The following ORC4 variants were observed in gnomAD, a reference collection of about 807,000 sequenced individuals.
ORC4 encodes the protein origin recognition complex subunit 4.
A neutral mutation model predicts 63.9 loss-of-function variants in ORC4; 55 were observed. The observed-to-expected ratio is 0.86, with a 90% CI of 0.69 to 1.08. The LOEUF is 1.08. Ranked by LOEUF, ORC4 falls within the 50% of genes least tolerant of loss-of-function variation. ORC4 has a pLI of 0.00. For missense variants in ORC4, 511 were observed against 504.4 expected, an observed-to-expected ratio of 1.01 and a Z score of -0.13; for synonymous variants, 150 against 168.5, an observed-to-expected ratio of 0.89 and a Z score of 0.85.
At chr2:148,005,413 G>C (rs180752154) in intron 1 of ORC4, among the ~76,000 whole-genome samples, 2 of 151,986 alleles carry the variant, frequency 1.3e-5, no homozygotes, top group African/African-American at 2.4e-5. Flanking sequence ...GGGATGGGGG[G>C]GCTAAGGGAG....
chr2:147,935,754 C>T, intron 13 of ORC4, 56 bp from the exon 14 acceptor site: 1 of 1,438,858 alleles, frequency 6.9e-7, no homozygotes. Context: ...GACAACTCTC[C>T]TGTTCTCTCC....
intron 1 of ORC4, among the ~76,000 whole-genome samples, chr2:148,008,046 C>T (rs374273917): frequency 6.6e-6 from 1 of 152,164 alleles, no homozygotes; most frequent in African/African-American, 2.4e-5. Flanking sequence ...CAATCTAATA[C>T]ATCCACCGAA....
chr2:147,956,765 T>C (rs146460361), intron 6 of ORC4, among the ~76,000 whole-genome samples: 1 of 152,172 alleles, frequency 6.6e-6, no homozygotes, highest in African/African-American at 2.4e-5. Context: ...TCTCTATATA[T>C]GATAATAATA....
chr2:148,001,113 A>G (rs931319715), intron 1 of ORC4, among the ~76,000 whole-genome samples: 10 of 152,140 alleles, frequency 6.6e-5, no homozygotes, highest in Admixed American at 4.6e-4. Context: ...GATTAAGCAA[A>G]TAAGGCGATA....
intron 9 of ORC4, among the ~76,000 whole-genome samples, chr2:147,944,513 G>A (rs772362225): frequency 6.6e-6 from 1 of 152,006 alleles, no homozygotes; most frequent in African/African-American, 2.4e-5. Flanking sequence ...AGCCCTTTGA[G>A]AAAGTACCAT....
chr2:147,980,110 G>A (rs2105367202), intron 1 of ORC4, among the ~76,000 whole-genome samples: 1 of 152,106 alleles, frequency 6.6e-6, no homozygotes, highest in Admixed American at 6.6e-5. Context: ...ACAACCTTCA[G>A]AATAAGTGAA....
chr2:147,972,680 T>G (rs1448461301), intron 4 of ORC4, 59 bp downstream of exon 4: 1 of 854,554 alleles, frequency 1.2e-6, no homozygotes, highest in Non-Finnish European at 1.9e-6. Flanking sequence ...ATTTATTTAT[T>G]CTTATATAAA....
chr2:147,955,450 A>C lies in ORC4; in HGVS notation c.388-55T>G. On this transcript the variant is annotated intron_variant, in intron 6 of 13. Transcript: ENST00000392857. Reference sequence around the variant, plus strand: ...AAAGTTTAGTGAAATAAAGAACAAAAGATGGCTGTCTGATTCTCAAATTTT... The same window carrying C: ...AAAGTTTAGTGAAATAAAGAACAAACGATGGCTGTCTGATTCTCAAATTTT... The C allele has an allele frequency of 4.7e-6, 6 of 1,266,686 alleles. No homozygotes were observed. The South Asian group carries it at 4.9e-5, about 10-fold the overall frequency. The allele number at this position is 1,266,686 out of a possible 1,614,324, so 78.5% of individuals were successfully genotyped here.
chr2:147,949,113 A>G (rs2105288910), intron 8 of ORC4, among the ~76,000 whole-genome samples: 1 of 150,428 alleles, frequency 6.6e-6, no homozygotes, highest in South Asian at 2.1e-4. Context: ...TACAACCAAG[A>G]CAAATGAAAC....
chr2:147,963,811 A>G (rs1309363171), intron 4 of ORC4, among the ~76,000 whole-genome samples: 1 of 152,172 alleles, frequency 6.6e-6, no homozygotes, highest in Non-Finnish European at 1.5e-5. Flanking sequence ...AACAACTCTC[A>G]GCCTAGGCCA....
intron 1 of ORC4, among the ~76,000 whole-genome samples, chr2:147,992,675 G>A (rs149047793): frequency 6.6e-6 from 1 of 152,244 alleles, no homozygotes. Flanking sequence ...TTACAGACTT[G>A]AGTTTACTTA....
Position 147,930,461 on chromosome 2 carries a change from G to C in ORC4, c.*5049C>G, listed in dbSNP as rs1469352872. ...TTTTTAGGAACATTTGGTATGATAT[G>C]CATAAAATTATTTATCCATTTATGG... On this transcript the variant is annotated 3_prime_UTR_variant, in exon 14 of 14. Transcript: ENST00000392857. The C allele has an allele frequency of 6.7e-6, 1 of 149,684 alleles. No homozygotes were observed. Among genetic ancestry groups the C allele is most frequent in the Non-Finnish European group, 1.5e-5 (1 of 67,512 alleles). The allele number at this position is 149,684 out of a possible 1,614,324, so 9.3% of individuals were successfully genotyped here. A position where few individuals can be genotyped will look rare whatever the true frequency, so the allele number is the denominator to read the frequency against.
In ORC4 at chr2:148,004,294, G is replaced by A. The variant is rs114500708; in HGVS notation, c.-18+16339C>T. Among the ~76,000 whole-genome samples, 1,274 of 152,128 alleles carry A rather than the reference G, an allele frequency of 8.4e-3. 20 individuals carry two copies. Among genetic ancestry groups the A allele is most frequent in the African/African-American group, 0.029 (1,186 of 41,486 alleles). On this transcript the variant is annotated intron_variant, in intron 1 of 13. Coordinates refer to ENST00000392857, the MANE Select transcript of ORC4 (RefSeq NM_181741.4). Reference sequence around the variant, plus strand: ...TTCATATGGAACCAAAAAAGAGCCCGCATAAGCCAAGACAATGCTAAGCAA... The same window carrying A: ...TTCATATGGAACCAAAAAAGAGCCCACATAAGCCAAGACAATGCTAAGCAA...
At chr2:147,958,947 A>G in intron 4 of ORC4, 81 bp from the exon 5 acceptor site, 1 of 660,894 alleles carries the variant, frequency 1.5e-6, no homozygotes. Flanking sequence ...ACAAGCAGTA[A>G]GAACAGAATA....
chr2:147,998,731 T>C (rs540928106), intron 1 of ORC4, among the ~76,000 whole-genome samples: 84 of 152,276 alleles, frequency 5.5e-4, no homozygotes, highest in African/African-American at 1.9e-3. Context: ...AGGTCAAAAT[T>C]TCACACTATT....
chr2:147,982,127 C>T (rs982001969), intron 1 of ORC4: 1 of 152,152 alleles, frequency 6.6e-6, no homozygotes, highest in African/African-American at 2.4e-5. Context: ...TGTCTTGACC[C>T]TTAAGCATCT....
intron 1 of ORC4, among the ~76,000 whole-genome samples, chr2:147,996,197 G>A (rs1177403351): frequency 2.0e-5 from 3 of 152,080 alleles, no homozygotes; most frequent in Non-Finnish European, 4.4e-5. Context: ...CCAGCTACTT[G>A]GGAGGCTGAG....
intron 4 of ORC4, among the ~76,000 whole-genome samples, chr2:147,959,952 TAC>T (rs1381462254): frequency 3.9e-5 from 6 of 152,220 alleles, no homozygotes; most frequent in Non-Finnish European, 5.9e-5. Context: ...CCCTAGATGA[TAC>T]AGAGTTGGTC....
chr2:147,963,290 C>T (rs1265204747), intron 4 of ORC4, among the ~76,000 whole-genome samples: 11 of 152,138 alleles, frequency 7.2e-5, no homozygotes, highest in Admixed American at 2.0e-4. Context: ...TTGGGCCAGT[C>T]GAGCAACCCT....
Sources: allele counts gnomAD v4.1 joint callset (sites outside exome capture counted in the v4.1 genomes callset), GRCh38; gene constraint gnomAD v4.1.1; transcripts MANE v1.5; gene names NCBI Gene and HGNC (gene_info 2026-07-23, HGNC 2026-07-21).